DERA: variants seen among roughly 807,000 people sequenced by gnomAD.
DERA encodes deoxyribose-phosphate aldolase.
Under a neutral mutation model 41.1 loss-of-function variants are expected in DERA, and 15 were observed. That is an observed-to-expected ratio of 0.37 (90% CI 0.24 to 0.56). The LOEUF (loss-of-function observed/expected upper bound fraction) is 0.56, where lower values mean the gene tolerates loss of function less well. Ranked by LOEUF, DERA falls within the 20% of genes least tolerant of loss-of-function variation. DERA has a pLI of 0.81. For missense variants in DERA, 396 were observed against 403.4 expected (o/e 0.98, Z 0.16); for synonymous variants, 139 against 137.4 (o/e 1.01, Z -0.08).
chr12:15,996,373 A>G lies in DERA; in HGVS notation c.637+13937A>G, dbSNP rs999693997. On this transcript the variant is annotated intron_variant, in intron 6 of 8. Coordinates refer to ENST00000428559, the MANE Select transcript of DERA (RefSeq NM_015954.4). This position sits in a 1 kb window ranked among gnomAD's most constrained non-coding sequence, Gnocchi z 4.7. ...GCCAGAAGCCCGCAGTCAGGGTGTC[A>G]GCAGGCTTATGCTCCCTCTGAAACC... Among the ~76,000 whole-genome samples the G allele has an allele frequency of 3.3e-5, 5 of 152,116 alleles. No homozygotes were observed. Among genetic ancestry groups the G allele is most frequent in the African/African-American group, 1.2e-4 (5 of 41,410 alleles).
Position 15,984,397 on chromosome 12 carries a change from C to T in DERA, c.637+1961C>T, listed in dbSNP as rs749902824. Among the ~76,000 whole-genome samples, 5 of 152,130 alleles carry T rather than the reference C, an allele frequency of 3.3e-5. No individual in the cohort carries two copies. Among genetic ancestry groups the T allele is most frequent in the Non-Finnish European group, 5.9e-5 (4 of 68,030 alleles). On this transcript the variant is annotated intron_variant, in intron 6 of 8. Coordinates refer to ENST00000428559, the MANE Select transcript of DERA (RefSeq NM_015954.4). This position sits in a 1 kb window ranked among gnomAD's most constrained non-coding sequence, Gnocchi z 4.5. ...TATAAACATGTCCCTTTATTTCTTC[C>T]TGTCTGCTTGTTTCTCTGTTCATGT... is the stretch of plus-strand genomic sequence containing the variant.
chr12:15,987,116 A>G (rs1403795735), intron 6 of DERA, among the ~76,000 whole-genome samples: 1 of 151,988 alleles, frequency 6.6e-6, no homozygotes, highest in Non-Finnish European at 1.5e-5. Flanking sequence ...ATTTGACCAC[A>G]ACCGACCTAA....
rs146182174 is a variant in DERA at position 16,033,581 on chromosome 12, TTGTGTGTGTGTGTG to T, written c.750+957_750+970del. Reference sequence around the variant, plus strand: ...TTTTTTACATGATTGGAGAGCAAGGTTGTGTGTGTGTGTGTGTGTGTGTGTGTGTGTGTGTGTGT... The same window carrying T: ...TTTTTTACATGATTGGAGAGCAAGGTTGTGTGTGTGTGTGTGTGTGTGTGT... On this transcript the variant is annotated intron_variant, in intron 7 of 8. Coordinates refer to ENST00000428559, the MANE Select transcript of DERA (RefSeq NM_015954.4). Among the ~76,000 whole-genome samples the T allele has an allele frequency of 2.3e-4, 30 of 127,706 alleles. 1 individual carries two copies. Among genetic ancestry groups the T allele is most frequent in the South Asian group, 1.4e-3 (5 of 3,592 alleles). The allele number at this position is 127,706 out of a possible 152,430, so 83.8% of individuals were successfully genotyped here. A position where few individuals can be genotyped will look rare whatever the true frequency, so the allele number is the denominator to read the frequency against.
At position 15,966,639 on chromosome 12, in the gene DERA, G is replaced by A. The variant is rs1375630138; in HGVS notation, c.508+3692G>A. ...CAGACTGTTCCTTCCTTCTGGTAAT[G>A]CTTTGTTGTTGTGGCTTTGGTGCCT... On this transcript the variant is annotated intron_variant, in intron 5 of 8. Transcript: ENST00000428559. This position sits in a 1 kb window ranked among gnomAD's most constrained non-coding sequence, Gnocchi z 5.1. Among the ~76,000 whole-genome samples, 1 of 152,072 alleles carries A rather than the reference G, an allele frequency of 6.6e-6. No homozygotes were observed. The highest frequency in any genetic ancestry group is 1.5e-5 in the Non-Finnish European group (1 of 68,012).
In DERA at chr12:15,924,178, A is replaced by G. The variant is rs945981847; in HGVS notation, c.31+12764A>G. Among the ~76,000 whole-genome samples the G allele has an allele frequency of 3.9e-5, 6 of 152,194 alleles. No homozygotes were observed. Among genetic ancestry groups the G allele is most frequent in the Admixed American group, 1.3e-4 (2 of 15,280 alleles). On this transcript the variant is annotated intron_variant, in intron 1 of 8. Coordinates refer to ENST00000428559, the MANE Select transcript of DERA (RefSeq NM_015954.4). This position sits in a 1 kb window ranked among gnomAD's most constrained non-coding sequence, Gnocchi z 5.0. ...TTAGGTGGCTTATGCCTGTAATCCT[A>G]ACTCTTTGGGATGCTGCAGTGGGAG...
intron 6 of DERA, among the ~76,000 whole-genome samples, chr12:16,028,773 C>T (rs1949070617): frequency 6.6e-6 from 1 of 152,168 alleles, no homozygotes; most frequent in African/African-American, 2.4e-5. Flanking sequence ...AAACATTTAA[C>T]AAATCCCAAT....
chr12:16,025,644 G>T (rs563708935), intron 6 of DERA, among the ~76,000 whole-genome samples: 1 of 152,176 alleles, frequency 6.6e-6, no homozygotes, highest in Admixed American at 6.5e-5. Flanking sequence ...ACTGATGGCT[G>T]AAGCAGGCAG....
rs750065752 is a variant in DERA, at chr12:15,957,049, G to A, written c.129+16G>A. The A allele has an allele frequency of 6.2e-7, 1 of 1,604,000 alleles. No homozygotes were observed. Among genetic ancestry groups the A allele is most frequent in the Admixed American group, 1.7e-5 (1 of 59,890 alleles). On this transcript the variant is annotated intron_variant, in intron 2 of 8. Coordinates refer to ENST00000428559, the MANE Select transcript of DERA (RefSeq NM_015954.4). The surrounding 1 kb of genome is among the most constrained non-coding windows in gnomAD (Gnocchi z 4.8). Reference sequence around the variant, plus strand: ...GGAGTGGCAGGTAAGGGTTCTTCTTGAGCATTCTGTGCCTGTATTTTACAA... The same window carrying A: ...GGAGTGGCAGGTAAGGGTTCTTCTTAAGCATTCTGTGCCTGTATTTTACAA...
chr12:16,014,347 C>T lies in DERA; in HGVS notation c.638-18195C>T, dbSNP rs1948966471. Among the ~76,000 whole-genome samples, 1 of 152,182 alleles carries T rather than the reference C, an allele frequency of 6.6e-6. No individual in the cohort carries two copies. The highest frequency in any genetic ancestry group is 2.1e-4 in the South Asian group (1 of 4,826). On this transcript the variant is annotated intron_variant, in intron 6 of 8. Transcript: ENST00000428559. This position sits in a 1 kb window ranked among gnomAD's most constrained non-coding sequence, Gnocchi z 5.4. Reference sequence around the variant, plus strand: ...GGAAAACATGGTTTTGTGGGCCAGGCCTAGGGCCTTGCTACTTTGTATAGT... The same window carrying T: ...GGAAAACATGGTTTTGTGGGCCAGGTCTAGGGCCTTGCTACTTTGTATAGT...
rs1176072159 is a variant in DERA, at chr12:15,925,630, A to T, written c.31+14216A>T. Among the ~76,000 whole-genome samples the T allele has an allele frequency of 3.3e-4, 50 of 152,198 alleles. 1 individual carries two copies. On this transcript the variant is annotated intron_variant, in intron 1 of 8. Coordinates refer to ENST00000428559, the MANE Select transcript of DERA (RefSeq NM_015954.4). ...ATCTGTAAATTATCAAGGAAATTAA[A>T]ATTCACAGATTTTCAAGGAAATCAG...
At position 15,924,208 on chromosome 12, in the gene DERA, G is replaced by T. The variant is rs566545773; in HGVS notation, c.31+12794G>T. Among the ~76,000 whole-genome samples, 1 of 152,108 alleles carries T rather than the reference G, an allele frequency of 6.6e-6. No homozygotes were observed. Among genetic ancestry groups the T allele is most frequent in the East Asian group, 1.9e-4 (1 of 5,178 alleles). ...TTTGGGATGCTGCAGTGGGAGGATC[G>T]CTTGAGCCCAGGAGTTTGAGATTAG... is the stretch of plus-strand genomic sequence containing the variant. On this transcript the variant is annotated intron_variant, in intron 1 of 8. Coordinates refer to ENST00000428559, the MANE Select transcript of DERA (RefSeq NM_015954.4). This position sits in a 1 kb window ranked among gnomAD's most constrained non-coding sequence, Gnocchi z 5.0.
At chr12:15,944,275 C>G (rs1948430015) in intron 1 of DERA, among the ~76,000 whole-genome samples, 1 of 152,162 alleles carries the variant, frequency 6.6e-6, no homozygotes, top group African/African-American at 2.4e-5. Flanking sequence ...AATGGTATTT[C>G]TAGTTCTAGA....
At chr12:15,953,932 A>G (rs901502855) in intron 1 of DERA, among the ~76,000 whole-genome samples, 1 of 152,194 alleles carries the variant, frequency 6.6e-6, no homozygotes, top group African/African-American at 2.4e-5. Flanking sequence ...TTTTGTGGCT[A>G]CATTAAATAT....
Position 15,911,505 on chromosome 12 carries a change from C to T in DERA, c.31+91C>T. On this transcript the variant is annotated intron_variant, in intron 1 of 8. Transcript: ENST00000428559. The surrounding 1 kb of genome is among the most constrained non-coding windows in gnomAD (Gnocchi z 4.5). ...GGCCTGCTGCCGCCCAGTGCCCTGG[C>T]TGTGGGTCCCCGAGGGGTTTTCGCT... The T allele has an allele frequency of 2.4e-6, 3 of 1,269,820 alleles. No homozygotes were observed. Among genetic ancestry groups the T allele is most frequent in the Non-Finnish European group, 3.2e-6 (3 of 950,382 alleles). 78.7% of individuals were successfully genotyped at this position (1,269,820 alleles called of 1,614,324 possible).
chr12:15,990,227 T>G lies in DERA; in HGVS notation c.637+7791T>G, dbSNP rs1948792685. 6.6e-6 allele frequency among the ~76,000 whole-genome samples: 1 copy of G among 152,160 alleles called. No individual in the cohort carries two copies. Among genetic ancestry groups the G allele is most frequent in the Non-Finnish European group, 1.5e-5 (1 of 68,026 alleles). ...TAGCTGTAGGGGAGACAAATGACAT[T>G]GAGCTGGATTTCTTTCTGTACTGAT... On this transcript the variant is annotated intron_variant, in intron 6 of 8. Coordinates refer to ENST00000428559, the MANE Select transcript of DERA (RefSeq NM_015954.4). This position sits in a 1 kb window ranked among gnomAD's most constrained non-coding sequence, Gnocchi z 4.3.
At position 16,014,332 on chromosome 12, in the gene DERA, G is replaced by T. The variant is rs1948966385; in HGVS notation, c.638-18210G>T. On this transcript the variant is annotated intron_variant, in intron 6 of 8. Transcript: ENST00000428559. The surrounding 1 kb of genome is among the most constrained non-coding windows in gnomAD (Gnocchi z 5.4). ...GCCAGAGGTCTAGAAGGAAAACATGGTTTTGTGGGCCAGGCCTAGGGCCTT... is the reference window on the plus strand; with the variant it reads ...GCCAGAGGTCTAGAAGGAAAACATGTTTTTGTGGGCCAGGCCTAGGGCCTT... Among the ~76,000 whole-genome samples, 1 of 152,212 alleles carries T rather than the reference G, an allele frequency of 6.6e-6. No individual in the cohort carries two copies. Among genetic ancestry groups the T allele is most frequent in the Admixed American group, 6.5e-5 (1 of 15,284 alleles).
Position 15,967,933 on chromosome 12 carries a change from C to G in DERA, c.508+4986C>G, listed in dbSNP as rs1289980836. 6.6e-6 allele frequency among the ~76,000 whole-genome samples: 1 copy of G among 152,114 alleles called. No homozygotes were observed. The highest frequency in any genetic ancestry group is 1.5e-5 in the Non-Finnish European group (1 of 68,032). Reference sequence around the variant, plus strand: ...TTTCCTGACAGGATTAGCATATCCCCCTGGGCATTTGTGATAAAAGAATTG... The same window carrying G: ...TTTCCTGACAGGATTAGCATATCCCGCTGGGCATTTGTGATAAAAGAATTG... On this transcript the variant is annotated intron_variant, in intron 5 of 8. Coordinates refer to ENST00000428559, the MANE Select transcript of DERA (RefSeq NM_015954.4). The surrounding 1 kb of genome is among the most constrained non-coding windows in gnomAD (Gnocchi z 4.9).
In DERA at chr12:16,009,825, A is replaced by T. The variant is rs1948935868; in HGVS notation, c.638-22717A>T. ...AGCAATTATACAGGAAGTATTAAAG[A>T]TATTAAATATGTATCAAAAATTTAA... is the stretch of plus-strand genomic sequence containing the variant. On this transcript the variant is annotated intron_variant, in intron 6 of 8. Coordinates refer to ENST00000428559, the MANE Select transcript of DERA (RefSeq NM_015954.4). This position sits in a 1 kb window ranked among gnomAD's most constrained non-coding sequence, Gnocchi z 5.3. Among the ~76,000 whole-genome samples, 1 of 152,236 alleles carries T rather than the reference A, an allele frequency of 6.6e-6. No homozygotes were observed. The highest frequency in any genetic ancestry group is 2.4e-5 in the African/African-American group (1 of 41,462).
Position 15,981,445 on chromosome 12 carries a change from GC to G in DERA, c.509-861del, listed in dbSNP as rs1191354484. Among the ~76,000 whole-genome samples, 1 of 152,196 alleles carries G rather than the reference GC, an allele frequency of 6.6e-6. No homozygotes were observed. The highest frequency in any genetic ancestry group is 1.5e-5 in the Non-Finnish European group (1 of 68,030). On this transcript the variant is annotated intron_variant, in intron 5 of 8. Transcript: ENST00000428559. The surrounding 1 kb of genome is among the most constrained non-coding windows in gnomAD (Gnocchi z 6.1). ...CCTTGGTCTTGTTACCATGGCAGTA[GC>G]CTGAGTTCAAGAAATGATAGTGGCC...
Sources: gnomAD v4.1 joint callset for allele counts (sites outside exome capture counted in the v4.1 genomes callset) on GRCh38, gnomAD v4.1.1 for gene constraint, Gnocchi (gnomAD v3.1) non-coding constraint, MANE v1.5 for transcripts, NCBI Gene and HGNC (gene_info 2026-07-23, HGNC 2026-07-21) for gene names.